The following SLIT2 variants were observed in gnomAD, a reference collection of about 807,000 sequenced individuals.
The protein encoded by SLIT2 is slit homolog 2 protein.
Under a neutral mutation model 185.7 loss-of-function variants are expected in SLIT2, and 41 were observed. The observed-to-expected ratio is 0.22, with a 90% CI of 0.17 to 0.29. The LOEUF (loss-of-function observed/expected upper bound fraction) is 0.29, where lower values mean the gene tolerates loss of function less well. SLIT2 is among the 10% of genes least tolerant of loss of function. The pLI, the probability that SLIT2 is intolerant of heterozygous loss-of-function variation, is 1.00. For synonymous variants in SLIT2, 693 were observed against 680.2 expected (o/e 1.02, Z -0.29); for missense variants, 1,571 against 1,909.0 (o/e 0.82, Z 3.30).
In SLIT2 at chr4:20,528,402, G is replaced by A. The variant is rs759020062; in HGVS notation, c.1463-547G>A. 17 of 523,308 alleles carry A rather than the reference G, an allele frequency of 3.2e-5. No homozygotes were observed. Among genetic ancestry groups the A allele is most frequent in the South Asian group, 2.4e-4 (17 of 69,452 alleles). The allele number at this position is 523,308 out of a possible 1,614,324, so 32.4% of individuals were successfully genotyped here. Reference sequence around the variant, plus strand: ...TTTCTACAGCATGACAAGCTGCTGAGGCTTAAATCAGGATTTTCCTGTCTC... The same window carrying A: ...TTTCTACAGCATGACAAGCTGCTGAAGCTTAAATCAGGATTTTCCTGTCTC... On this transcript the variant is annotated intron_variant, in intron 15 of 36. Transcript: ENST00000504154. This position sits in a 1 kb window ranked among gnomAD's most constrained non-coding sequence, Gnocchi z 4.2.
chr4:20,587,906 A>C (rs1727195541), intron 29 of SLIT2, among the ~76,000 whole-genome samples: 1 of 152,226 alleles, frequency 6.6e-6, no homozygotes, highest in East Asian at 1.9e-4. Context: ...TGAAAAGTAC[A>C]TAAAATGACA....
chr4:20,585,784 A>G (rs186990137), intron 29 of SLIT2, among the ~76,000 whole-genome samples: 1 of 152,254 alleles, frequency 6.6e-6, no homozygotes, highest in Admixed American at 6.5e-5. Context: ...TTATCTCAGG[A>G]CCTGAGCCAT....
intron 4 of SLIT2, among the ~76,000 whole-genome samples, chr4:20,393,161 T>C (rs1341386836): frequency 6.6e-6 from 1 of 152,102 alleles, no homozygotes; most frequent in Non-Finnish European, 1.5e-5. Context: ...AGGACCATCA[T>C]TGTATATGCG....
At position 20,487,830 on chromosome 4, in the gene SLIT2, G is replaced by T. The variant is rs1328470698; in HGVS notation, c.612-989G>T. Among the ~76,000 whole-genome samples, 4 of 152,250 alleles carry T rather than the reference G, an allele frequency of 2.6e-5. No homozygotes were observed. The East Asian group carries it at 7.7e-4, about 29-fold the overall frequency. On this transcript the variant is annotated intron_variant, in intron 7 of 36. Transcript: ENST00000504154. The stretch of plus-strand genomic sequence containing the variant: ...TGGGTCATTATTCTATAGTATCATT[G>T]CTACTTAAAAATTCCATTTTTATAG...
intron 19 of SLIT2, among the ~76,000 whole-genome samples, chr4:20,540,645 G>A (rs1256444459): frequency 6.6e-6 from 1 of 152,108 alleles, no homozygotes; most frequent in Non-Finnish European, 1.5e-5. Context: ...ACGGTGGCAT[G>A]CAAATCTACT....
intron 4 of SLIT2, among the ~76,000 whole-genome samples, chr4:20,429,595 A>C (rs1438158619): frequency 6.6e-6 from 1 of 152,216 alleles, no homozygotes; most frequent in Non-Finnish European, 1.5e-5. Context: ...GAAGTAAATA[A>C]AAGAGGGTCA....
intron 4 of SLIT2, among the ~76,000 whole-genome samples, chr4:20,341,902 T>C (rs1378450992): frequency 1.3e-5 from 2 of 152,230 alleles, no homozygotes; most frequent in Non-Finnish European, 2.9e-5. Flanking sequence ...GTTTGTCAAA[T>C]AGGATGTTAT....
chr4:20,612,703 G>A (rs968635927), intron 34 of SLIT2, among the ~76,000 whole-genome samples: 5 of 152,120 alleles, frequency 3.3e-5, no homozygotes, highest in East Asian at 3.9e-4. Context: ...GGATCACGAG[G>A]TCAGGAGATT....
At chr4:20,509,723 C>A (rs543691980) in intron 9 of SLIT2, among the ~76,000 whole-genome samples, 1 of 152,198 alleles carries the variant, frequency 6.6e-6, no homozygotes, top group Non-Finnish European at 1.5e-5. Context: ...AGACTTCATG[C>A]AATCTACTTA....
chr4:20,552,132 A>G (rs938400589), intron 25 of SLIT2, among the ~76,000 whole-genome samples: 1 of 152,192 alleles, frequency 6.6e-6, no homozygotes, highest in Non-Finnish European at 1.5e-5. Context: ...CTGCAATATG[A>G]AGGAAGCTAC....
chr4:20,451,162 G>A (rs1417340058), intron 4 of SLIT2, among the ~76,000 whole-genome samples: 1 of 152,162 alleles, frequency 6.6e-6, no homozygotes. Context: ...CAGCTCTGAT[G>A]CTCTCTGAGC....
At chr4:20,362,083 A>G (rs1722785652) in intron 4 of SLIT2, among the ~76,000 whole-genome samples, 1 of 152,206 alleles carries the variant, frequency 6.6e-6, no homozygotes, top group South Asian at 2.1e-4. Context: ...TCCAAGGGAC[A>G]GCCTAATTAG....
chr4:20,362,337 A>C (rs957770926), intron 4 of SLIT2, among the ~76,000 whole-genome samples: 1 of 152,168 alleles, frequency 6.6e-6, no homozygotes, highest in Non-Finnish European at 1.5e-5. Context: ...GCAGAGCAGC[A>C]AGGTCTCAAG....
intron 33 of SLIT2, among the ~76,000 whole-genome samples, chr4:20,605,706 ATTTTATATTTTATTTTATTTTATTT>A (rs1166122507): frequency 1.4e-5 from 2 of 145,336 alleles, no homozygotes; most frequent in African/African-American, 5.0e-5. Context: ...CTTTTATTTT[ATTTTATATTTTATTTTATTTTATTT>A]TATTTTATTT....
chr4:20,609,485 T>C (rs981751138), intron 33 of SLIT2, among the ~76,000 whole-genome samples: 1 of 152,222 alleles, frequency 6.6e-6, no homozygotes, highest in Non-Finnish European at 1.5e-5. Flanking sequence ...TTTCAAAAAG[T>C]ACTGAGATCC....
chr4:20,321,153 A>C (rs1358963154), intron 4 of SLIT2, among the ~76,000 whole-genome samples: 1 of 152,096 alleles, frequency 6.6e-6, no homozygotes, highest in Non-Finnish European at 1.5e-5. Context: ...CAAAACAAAA[A>C]AAACTAAAGC....
At chr4:20,260,592 A>G (rs1195962235) in intron 3 of SLIT2, among the ~76,000 whole-genome samples, 1 of 151,662 alleles carries the variant, frequency 6.6e-6, no homozygotes, top group Admixed American at 6.6e-5. Context: ...TTTTTCTTTT[A>G]TTTTATGTTG....
intron 34 of SLIT2, among the ~76,000 whole-genome samples, chr4:20,611,026 A>T (rs1729174770): frequency 6.6e-6 from 1 of 152,218 alleles, no homozygotes; most frequent in African/African-American, 2.4e-5. Context: ...AAATTCTGGT[A>T]AAGGAGCCAG....
intron 4 of SLIT2, among the ~76,000 whole-genome samples, chr4:20,455,496 A>G (rs1712966105): frequency 6.6e-6 from 1 of 152,194 alleles, no homozygotes; most frequent in Non-Finnish European, 1.5e-5. Flanking sequence ...CTAGTCCCCA[A>G]CAGAGATAGA....
Sources: gnomAD v4.1 joint callset for allele counts (sites outside exome capture counted in the v4.1 genomes callset) on GRCh38, gnomAD v4.1.1 for gene constraint, Gnocchi (gnomAD v3.1) non-coding constraint, MANE v1.5 for transcripts, NCBI Gene and HGNC (gene_info 2026-07-23, HGNC 2026-07-21) for gene names.